EME1: variants seen among roughly 807,000 people sequenced by gnomAD.
EME1 encodes structure-specific endonuclease subunit EME1.
EME1 carries 61 observed loss-of-function variants against 59.1 expected under a neutral mutation model. The observed-to-expected ratio is 1.03, with a 90% CI of 0.84 to 1.28. EME1 has a LOEUF of 1.28. EME1 is among the 50% of genes most tolerant of loss of function. The pLI, the probability that EME1 is intolerant of heterozygous loss-of-function variation, is 0.00. For missense variants in EME1, 635 were observed against 682.6 expected (o/e 0.93, Z 0.78); for synonymous variants, 230 against 254.2 (o/e 0.90, Z 0.90).
At chr17:50,379,020 G>A (rs1913633842) in intron 5 of EME1, 87 bp from the exon 6 acceptor site, 1 of 1,612,614 alleles carries the variant, frequency 6.2e-7, no homozygotes, top group South Asian at 1.1e-5. Context: ...ACAAGTCCAG[G>A]GGGATGCTCT....
intron 8 of EME1, 41 bp from the exon 9 acceptor site, chr17:50,380,722 C>A: frequency 6.2e-7 from 1 of 1,611,580 alleles, no homozygotes; most frequent in South Asian, 1.1e-5. Context: ...AAGGGATCAC[C>A]ATGGATGGTA....
At chr17:50,374,226 C>CTATTTT (rs925992297) in intron 1 of EME1, among the ~76,000 whole-genome samples, 1 of 152,044 alleles carries the variant, frequency 6.6e-6, no homozygotes, top group Non-Finnish European at 1.5e-5. Flanking sequence ...AATTATATCT[C>CTATTTT]TATTTTTATT....
At chr17:50,378,258 G>A in intron 3 of EME1, among the ~76,000 whole-genome samples, 1 of 151,442 alleles carries the variant, frequency 6.6e-6, no homozygotes, top group East Asian at 1.9e-4. Flanking sequence ...ATAGAGATGG[G>A]GTTTTACCGT....
intron 1 of EME1, among the ~76,000 whole-genome samples, chr17:50,374,599 C>T (rs1421605876): frequency 6.6e-6 from 1 of 152,102 alleles, no homozygotes; most frequent in Non-Finnish European, 1.5e-5. Flanking sequence ...CACCTGTAAT[C>T]TCAGCACTTT....
chr17:50,378,666 C>A lies in EME1; in HGVS notation c.975C>A (p.Ile325=), dbSNP rs1240704978. The change falls in exon 4 of 9, where the codon ATC becomes ATA. Residue 325 remains isoleucine (I), a synonymous_variant. Transcript: ENST00000338165. ...GGGCAGAGGCATTTGTGTCCATGAT[C>A]GACAATGGAAAGCAGGTGGGCAGAG... ...LLRAEAFVSM[I]DNGKQGSLDS... is the part of the protein sequence containing the mutation. The A allele has an allele frequency of 6.2e-7, 1 of 1,614,044 alleles. No individual in the cohort carries two copies. Among genetic ancestry groups the A allele is most frequent in the East Asian group, 2.2e-5 (1 of 44,864 alleles).
rs370330243 is a variant in EME1, at chr17:50,375,539, A to C, written c.331A>C (p.Ser111Arg). The change falls in exon 2 of 9, where the codon AGC becomes CGC. Residue 111 changes from serine to arginine, a missense_variant. Transcript: ENST00000338165. ...TAAGTTTCTGACCCACAAGCAACTG[A>C]GCCCTGAGGACTCTAGCTCCCCAGT... Reference protein sequence around the residue: ...TCKFLTHKQLSPEDSSSPVKS... With the variant: ...TCKFLTHKQLRPEDSSSPVKS... The C allele has an allele frequency of 5.6e-6, 9 of 1,613,988 alleles. No individual in the cohort carries two copies. The highest frequency in any genetic ancestry group is 7.6e-6 in the Non-Finnish European group (9 of 1,180,014).
At position 50,373,241 on chromosome 17, in the gene EME1, T is replaced by C. The variant is rs1598358852; in HGVS notation, c.-61T>C. The C allele has an allele frequency of 8.1e-6, 13 of 1,598,696 alleles. No individual in the cohort carries two copies. The highest frequency in any genetic ancestry group is 1.1e-5 in the Non-Finnish European group (13 of 1,170,126). The stretch of plus-strand genomic sequence containing the variant: ...TATCAGGAGATCTACTTCCGGGCCC[T>C]GCGTGGCAGTTGAAAGAGTGGCGGG... On this transcript the variant is annotated 5_prime_UTR_variant, in exon 1 of 9. Coordinates refer to ENST00000338165, the MANE Select transcript of EME1 (RefSeq NM_152463.4).
At chr17:50,380,692 C>T (rs1279019961) in intron 8 of EME1, 71 bp from the exon 9 acceptor site, 2 of 1,598,670 alleles carry the variant, frequency 1.3e-6, no homozygotes, top group African/African-American at 1.3e-5. Flanking sequence ...CCAAGCGTAG[C>T]ACCCTCCATG....
Position 50,375,994 on chromosome 17 carries a change from G to A in EME1, c.775+11G>A. ...TAGTGCTGGATCCAGGTCCTCACAT[G>A]TGTCTTTGTCCTGTGCTGAGTTATC... is the stretch of plus-strand genomic sequence containing the variant. On this transcript the variant is annotated intron_variant, in intron 2 of 8. Transcript: ENST00000338165. 1 of 1,605,864 alleles carries A rather than the reference G, an allele frequency of 6.2e-7. No homozygotes were observed. Among genetic ancestry groups the A allele is most frequent in the South Asian group, 1.1e-5 (1 of 90,868 alleles).
At chr17:50,373,399 CGCAGAGCTTGTCGG>C in intron 1 of EME1, 122 bp downstream of exon 1, 1 of 602,304 alleles carries the variant, frequency 1.7e-6, no homozygotes, top group East Asian at 2.9e-5. Flanking sequence ...GCCTGAGAGG[CGCAGAGCTTGTCGG>C]GCAGGGGCCC....
intron 3 of EME1, among the ~76,000 whole-genome samples, chr17:50,378,219 G>A (rs1458447604): frequency 2.6e-5 from 4 of 151,598 alleles, no homozygotes; most frequent in Admixed American, 6.6e-5. Flanking sequence ...GGCACGTACC[G>A]CCACACCCAG....
intron 6 of EME1, 33 bp downstream of exon 6, chr17:50,379,257 G>T: frequency 6.2e-7 from 1 of 1,613,052 alleles, no homozygotes; most frequent in Non-Finnish European, 8.5e-7. Context: ...ATCGGGCTGG[G>T]TACTCACTGG....
intron 1 of EME1, among the ~76,000 whole-genome samples, chr17:50,373,688 A>G (rs746165170): frequency 2.0e-5 from 3 of 152,228 alleles, no homozygotes; most frequent in African/African-American, 4.8e-5. Context: ...GTGTTAGTAA[A>G]TGTTCAAGAA....
In EME1 at chr17:50,379,210, G is replaced by A; in HGVS notation, c.1216G>A (p.Val406Ile). Residue 406 changes from valine to isoleucine, a missense_variant, in exon 6 of 9, where the codon GTA becomes ATA. By Grantham distance (29) the Val-to-Ile change is conservative (BLOSUM62 3). Transcript: ENST00000338165. ...CAGCATAGGGTCCATGGTATCCAGG[G>A]TAGACGCTGAAGAGGTAAGAACGTC... is the stretch of plus-strand genomic sequence containing the variant. ...EASIGSMVSRVDAEEALVDLQ... is the reference protein window; with the variant it reads ...EASIGSMVSRIDAEEALVDLQ... 1 of 1,614,184 alleles carries A rather than the reference G, an allele frequency of 6.2e-7. No homozygotes were observed. The highest frequency in any genetic ancestry group is 1.7e-5 in the Admixed American group (1 of 60,026).
In EME1 at chr17:50,375,810, CGA is replaced by C. The variant is rs1567815230; in HGVS notation, c.604_605del (p.Gln203GlufsTer80). Reference sequence around the variant, plus strand: ...CTTCCACCCCAGAAGAAAACCAAGCCGAGTCAGAAGGTCCAGGGAAGAGGCTC... The same window carrying C: ...CTTCCACCCCAGAAGAAAACCAAGCCGTCAGAAGGTCCAGGGAAGAGGCTC... On this transcript the variant is annotated frameshift_variant, in exon 2 of 9. Transcript: ENST00000338165. LOFTEE classifies it high-confidence loss of function. The C allele has an allele frequency of 3.1e-6, 5 of 1,614,006 alleles. No individual in the cohort carries two copies. Among genetic ancestry groups the C allele is most frequent in the Non-Finnish European group, 4.2e-6 (5 of 1,180,046 alleles).
chr17:50,380,338 CCTT>C lies in EME1; in HGVS notation c.1376_1378del (p.Phe459del). On this transcript the variant is annotated inframe_deletion, in exon 8 of 9. Coordinates refer to ENST00000338165, the MANE Select transcript of EME1 (RefSeq NM_152463.4). ...AAGCTCCGAGATGAAACTACCTTCT[CCTT>C]CTGTCTGGAGAGTGACTGGGCTGGA... 6.2e-7 allele frequency: 1 copy of C among 1,612,324 alleles called. No homozygotes were observed.
At chr17:50,380,737 A>C (rs377690960) in intron 8 of EME1, 26 bp from the exon 9 acceptor site, 133 of 1,613,038 alleles carry the variant, frequency 8.2e-5, no homozygotes, top group Middle Eastern at 3.7e-4. Context: ...ATGGTACCAT[A>C]TTAAGAGGTC....
chr17:50,380,069 CA>C, intron 7 of EME1: 1 of 445,246 alleles, frequency 2.2e-6, no homozygotes, highest in Non-Finnish European at 4.0e-6. Flanking sequence ...GCCAGATATC[CA>C]AAGAATCTGG....
In EME1 at chr17:50,380,825, C is replaced by T; in HGVS notation, c.1599C>T (p.Arg533=). The change falls in exon 9 of 9, where the codon CGC becomes CGT. Residue 533 remains arginine (R), a synonymous_variant. Transcript: ENST00000338165. ...ATTTGCTCGCAGACATACAGGTGCGCCGTGGGGAAGGTGTGACATCCACTT... is the reference window on the plus strand; with the variant it reads ...ATTTGCTCGCAGACATACAGGTGCGTCGTGGGGAAGGTGTGACATCCACTT... ...RQNLLADIQV[R]RGEGVTSTSR... 1 of 1,614,188 alleles carries T rather than the reference C, an allele frequency of 6.2e-7. No individual in the cohort carries two copies. The highest frequency in any genetic ancestry group is 8.5e-7 in the Non-Finnish European group (1 of 1,180,038).
Sources: allele counts gnomAD v4.1 joint callset (sites outside exome capture counted in the v4.1 genomes callset), GRCh38; gene constraint gnomAD v4.1.1; transcripts MANE v1.5; gene names NCBI Gene and HGNC (gene_info 2026-07-23, HGNC 2026-07-21).